Variants in MACROD2 observed in about 807,000 individuals in gnomAD.
MACROD2 encodes mono-ADP ribosylhydrolase 2, also known as ADP-ribose glycohydrolase MACROD2.
Under a neutral mutation model 70.4 loss-of-function variants are expected in MACROD2, and 36 were observed. The ratio of observed to expected loss-of-function variants is 0.51; its 90% CI spans 0.39 to 0.68. MACROD2 has a LOEUF of 0.68. MACROD2 is among the 30% of genes least tolerant of loss of function. MACROD2 has a pLI of 0.00. For synonymous variants in MACROD2, 172 were observed against 178.8 expected (o/e 0.96, Z 0.30); for missense variants, 496 against 538.4 (o/e 0.92, Z 0.78).
intron 5 of MACROD2, among the ~76,000 whole-genome samples, chr20:14,794,448 G>T (rs1014036355): frequency 3.3e-5 from 5 of 152,102 alleles, no homozygotes; most frequent in Middle Eastern, 3.4e-3. Context: ...AGTTAAAATG[G>T]TTAGAAATAT....
intron 3 of MACROD2, among the ~76,000 whole-genome samples, chr20:14,260,992 A>C (rs1023596203): frequency 4.6e-5 from 7 of 152,160 alleles, no homozygotes; most frequent in African/African-American, 1.7e-4. Context: ...ATTTAGGGAG[A>C]TCTACAGAGT....
intron 9 of MACROD2, among the ~76,000 whole-genome samples, chr20:15,873,440 G>A (rs2064615328): frequency 6.6e-6 from 1 of 151,878 alleles, no homozygotes; most frequent in East Asian, 1.9e-4. Flanking sequence ...TTACTAATGT[G>A]GTTTAACATT....
At chr20:14,288,119 CTACAAGGTAGGGTG>C (rs984108639) in intron 3 of MACROD2, among the ~76,000 whole-genome samples, 34 of 151,794 alleles carry the variant, frequency 2.2e-4, no homozygotes, top group African/African-American at 6.5e-4. Flanking sequence ...AAGGTACACC[CTACAAGGTAGGGTG>C]TACCTTGTAC....
At chr20:14,227,438 A>G (rs2081751093) in intron 3 of MACROD2, among the ~76,000 whole-genome samples, 1 of 152,156 alleles carries the variant, frequency 6.6e-6, no homozygotes, top group African/African-American at 2.4e-5. Context: ...TCCTGAAGCC[A>G]GCGAGACCAC....
At chr20:15,457,012 G>C (rs2046736316) in intron 7 of MACROD2, among the ~76,000 whole-genome samples, 1 of 150,360 alleles carries the variant, frequency 6.7e-6, no homozygotes. Context: ...TGCAAAGACT[G>C]AGGTATGAAA....
chr20:15,792,375 G>C (rs2063632065), intron 8 of MACROD2, among the ~76,000 whole-genome samples: 1 of 151,848 alleles, frequency 6.6e-6, no homozygotes, highest in Admixed American at 6.6e-5. Flanking sequence ...AATCTATAAA[G>C]TTACAACCAA....
intron 3 of MACROD2, among the ~76,000 whole-genome samples, chr20:14,136,435 G>T (rs1438626511): frequency 2.0e-5 from 3 of 152,218 alleles, no homozygotes; most frequent in East Asian, 3.9e-4. Context: ...TATTATCTAT[G>T]CAATCTCTGT....
At chr20:14,929,958 G>A (rs1449355282) in intron 5 of MACROD2, among the ~76,000 whole-genome samples, 2 of 151,890 alleles carry the variant, frequency 1.3e-5, no homozygotes, top group Non-Finnish European at 2.9e-5. Context: ...TCAGGAGATC[G>A]AGACCATCCT....
chr20:15,972,712 A>G (rs2066249666), intron 13 of MACROD2, among the ~76,000 whole-genome samples: 1 of 152,144 alleles, frequency 6.6e-6, no homozygotes, highest in African/African-American at 2.4e-5. Flanking sequence ...TGGGAGGCTG[A>G]GTCAGGAGAA....
At chr20:15,068,518 T>A (rs2075594970) in intron 5 of MACROD2, among the ~76,000 whole-genome samples, 1 of 152,126 alleles carries the variant, frequency 6.6e-6, no homozygotes. Context: ...AGAAGATCCT[T>A]CATGAATGGT....
At chr20:15,073,949 A>C (rs2123113601) in intron 5 of MACROD2, among the ~76,000 whole-genome samples, 1 of 152,314 alleles carries the variant, frequency 6.6e-6, no homozygotes, top group Admixed American at 6.5e-5. Context: ...ATTACCAGAA[A>C]AATTATAACA....
chr20:14,022,977 T>C (rs1300109931), intron 2 of MACROD2, among the ~76,000 whole-genome samples: 1 of 152,248 alleles, frequency 6.6e-6, no homozygotes, highest in Non-Finnish European at 1.5e-5. Context: ...GGCCAAATGA[T>C]ATTTCTGGTT....
At chr20:14,244,777 C>T (rs1000976548) in intron 3 of MACROD2, among the ~76,000 whole-genome samples, 9 of 152,180 alleles carry the variant, frequency 5.9e-5, no homozygotes, top group Non-Finnish European at 1.3e-4. Flanking sequence ...GAATCTTGTC[C>T]ATGCTGTGAT....
At chr20:15,282,878 A>T (rs2146091305) in intron 6 of MACROD2, among the ~76,000 whole-genome samples, 1 of 152,286 alleles carries the variant, frequency 6.6e-6, no homozygotes, top group East Asian at 1.9e-4. Flanking sequence ...TGCCGCTATG[A>T]AGAAATACCT....
intron 2 of MACROD2, among the ~76,000 whole-genome samples, chr20:14,076,008 C>T (rs3897945): frequency 0.21 from 31,679 of 152,020 alleles, 3,472 homozygotes; most frequent in African/African-American, 0.25. Context: ...CATTAACTCT[C>T]ATATAGAACA....
At chr20:15,542,795 A>G (rs2047974848) in intron 8 of MACROD2, among the ~76,000 whole-genome samples, 1 of 152,134 alleles carries the variant, frequency 6.6e-6, no homozygotes, top group African/African-American at 2.4e-5. Flanking sequence ...CTGGCTGGGA[A>G]CTTAATCATC....
intron 7 of MACROD2, among the ~76,000 whole-genome samples, chr20:15,471,255 C>T (rs1419718282): frequency 6.6e-6 from 1 of 152,170 alleles, no homozygotes; most frequent in Non-Finnish European, 1.5e-5. Context: ...CAGCTGGGCC[C>T]TTACCACTTA....
At chr20:15,285,522 G>T (rs1177247112) in intron 6 of MACROD2, among the ~76,000 whole-genome samples, 1 of 152,068 alleles carries the variant, frequency 6.6e-6, no homozygotes, top group East Asian at 1.9e-4. Flanking sequence ...TTAAATTTTT[G>T]AAAATCGTAC....
chr20:14,842,699 T>C (rs1353671902), intron 5 of MACROD2, among the ~76,000 whole-genome samples: 1 of 152,156 alleles, frequency 6.6e-6, no homozygotes, highest in Non-Finnish European at 1.5e-5. Context: ...TTCTTTGGCT[T>C]TCCACACTGA....
Sources: gnomAD v4.1 joint callset for allele counts (sites outside exome capture counted in the v4.1 genomes callset) on GRCh38, gnomAD v4.1.1 for gene constraint, MANE v1.5 for transcripts, NCBI Gene and HGNC (gene_info 2026-07-23, HGNC 2026-07-21) for gene names.